Variants in TMEM161B observed in about 807,000 individuals in gnomAD.
The protein encoded by TMEM161B is transmembrane protein 161B.
Under a neutral mutation model 61.8 loss-of-function variants are expected in TMEM161B, and 34 were observed. The ratio of observed to expected loss-of-function variants is 0.55; its 90% confidence interval spans 0.42 to 0.73. The LOEUF (loss-of-function observed/expected upper bound fraction) is 0.73. TMEM161B is among the 30% of genes least tolerant of loss of function. TMEM161B has a pLI of 0.00. For missense variants in TMEM161B, 456 were observed against 558.5 expected (o/e 0.82, Z 1.85); for synonymous variants, 167 against 192.8 (o/e 0.87, Z 1.11).
chr5:88,231,213 T>C (rs1750931928), intron 2 of TMEM161B, among the ~76,000 whole-genome samples: 1 of 152,180 alleles, frequency 6.6e-6, no homozygotes, highest in Admixed American at 6.5e-5. Flanking sequence ...TCCTAAGTAC[T>C]ATGAATCATT....
intron 1 of TMEM161B, among the ~76,000 whole-genome samples, chr5:88,247,841 T>G (rs1329128721): frequency 6.6e-6 from 1 of 152,118 alleles, no homozygotes; most frequent in Non-Finnish European, 1.5e-5. Flanking sequence ...GTCTATTTGG[T>G]GTATTCAATG....
At chr5:88,244,049 T>C (rs527663509) in intron 1 of TMEM161B, among the ~76,000 whole-genome samples, 103 of 152,106 alleles carry the variant, frequency 6.8e-4, no homozygotes, top group African/African-American at 2.4e-3. Context: ...GCCAGATCCA[T>C]AGTTTGCAAA....
chr5:88,201,530 T>C (rs1744403628), intron 9 of TMEM161B: 1 of 152,042 alleles, frequency 6.6e-6, no homozygotes, highest in Admixed American at 6.6e-5. Flanking sequence ...TCTCACATAA[T>C]AACTGGTATA....
At chr5:88,239,106 G>A (rs1752327714) in intron 2 of TMEM161B, among the ~76,000 whole-genome samples, 1 of 151,914 alleles carries the variant, frequency 6.6e-6, no homozygotes, top group Non-Finnish European at 1.5e-5. Context: ...GACACATTCT[G>A]ATCAGAAAAA....
chr5:88,234,288 G>A (rs749997000), intron 2 of TMEM161B, among the ~76,000 whole-genome samples: 11 of 152,138 alleles, frequency 7.2e-5, no homozygotes, highest in Non-Finnish European at 1.2e-4. Flanking sequence ...AGTGATGGGC[G>A]CTTGTTTCAA....
intron 1 of TMEM161B, among the ~76,000 whole-genome samples, chr5:88,241,323 C>A (rs1243005165): frequency 6.6e-6 from 1 of 151,728 alleles, no homozygotes; most frequent in Admixed American, 6.6e-5. Context: ...TGGGACAAAT[C>A]CCCTGTGTAG....
At chr5:88,205,722 CAAT>C (rs1250149691) in intron 8 of TMEM161B, 89 bp downstream of exon 8, 30 of 1,412,216 alleles carry the variant, frequency 2.1e-5, no homozygotes, top group Non-Finnish European at 2.6e-5. Flanking sequence ...ATTTTCAATA[CAAT>C]AATTTATGAT....
rs556038837 is a variant in TMEM161B at position 88,259,859 on chromosome 5, G to A, written c.3+8862C>T. ...GTTTTTGAATTTCAAACACTAGATT[G>A]AACTTGTGAAATTCAATTTTTTCAT... On this transcript the variant is annotated intron_variant, in intron 1 of 11. Coordinates refer to ENST00000296595, the MANE Select transcript of TMEM161B (RefSeq NM_153354.5). Among the ~76,000 whole-genome samples, 81 of 152,232 alleles carry A rather than the reference G, an allele frequency of 5.3e-4. No homozygotes were observed. In the South Asian group the frequency reaches 7.1e-3, roughly 13 times the overall value.
downstream of TMEM161B, among the ~76,000 whole-genome samples, chr5:88,192,836 C>T (rs929293061): frequency 8.5e-5 from 13 of 152,176 alleles, no homozygotes; most frequent in African/African-American, 3.1e-4. Context: ...AGACCTTAGG[C>T]TTCAAAATAC....
chr5:88,242,400 G>T (rs1752889706), intron 1 of TMEM161B, among the ~76,000 whole-genome samples: 1 of 145,028 alleles, frequency 6.9e-6, no homozygotes, highest in Non-Finnish European at 1.5e-5. Context: ...CCTCCCATTT[G>T]CTGGCTCTTC....
intron 1 of TMEM161B, among the ~76,000 whole-genome samples, chr5:88,261,082 G>A (rs975083399): frequency 6.6e-6 from 1 of 152,138 alleles, no homozygotes; most frequent in African/African-American, 2.4e-5. Context: ...TAGCAAGGTT[G>A]CAGGATACAA....
intron 1 of TMEM161B, among the ~76,000 whole-genome samples, chr5:88,260,649 C>T (rs1755569335): frequency 6.6e-6 from 1 of 152,104 alleles, no homozygotes; most frequent in African/African-American, 2.4e-5. Flanking sequence ...GAAGAGGTCT[C>T]ACTATGTTGT....
downstream of TMEM161B, among the ~76,000 whole-genome samples, chr5:88,188,049 TATC>T (rs1748462479): frequency 6.6e-6 from 1 of 152,194 alleles, no homozygotes; most frequent in Non-Finnish European, 1.5e-5. Flanking sequence ...TTCTCTTTCT[TATC>T]ATTTCTAGCT....
At chr5:88,215,720 C>T (rs1192849373) in intron 5 of TMEM161B, among the ~76,000 whole-genome samples, 1 of 152,142 alleles carries the variant, frequency 6.6e-6, no homozygotes, top group Non-Finnish European at 1.5e-5. Context: ...GAAGCAAAGT[C>T]AGTTCAGTGC....
chr5:88,186,401 C>G (rs1268981216), downstream of TMEM161B, among the ~76,000 whole-genome samples: 2 of 152,156 alleles, frequency 1.3e-5, no homozygotes, highest in Non-Finnish European at 2.9e-5. Context: ...CAAGGATCAT[C>G]ATAATCGAAT....
downstream of TMEM161B, among the ~76,000 whole-genome samples, chr5:88,187,533 T>C (rs192203991): frequency 5.9e-5 from 9 of 152,340 alleles, no homozygotes; most frequent in Non-Finnish European, 1.0e-4. Context: ...ACAGGTCTTA[T>C]ACATGTTGGT....
At chr5:88,259,309 G>T (rs1227265773) in intron 1 of TMEM161B, 1 of 152,186 alleles carries the variant, frequency 6.6e-6, no homozygotes, top group Non-Finnish European at 1.5e-5. Flanking sequence ...TATGTCTGCT[G>T]AATGTATGGA....
chr5:88,220,100 T>C (rs1748640329), intron 5 of TMEM161B, among the ~76,000 whole-genome samples: 1 of 152,056 alleles, frequency 6.6e-6, no homozygotes, highest in South Asian at 2.1e-4. Context: ...AGGAAGGTAA[T>C]AATACACTAT....
intron 1 of TMEM161B, among the ~76,000 whole-genome samples, chr5:88,254,678 G>A (rs454830): frequency 0.79 from 120,544 of 151,972 alleles, 47,998 homozygotes; most frequent in South Asian, 0.86. Context: ...TCTACCAAAA[G>A]TAAAAACAAA....
Sources: allele counts gnomAD v4.1 joint callset (sites outside exome capture counted in the v4.1 genomes callset), GRCh38; gene constraint gnomAD v4.1.1; transcripts MANE v1.5; gene names NCBI Gene and HGNC (gene_info 2026-07-23, HGNC 2026-07-21).